The following IKZF3 variants were observed in gnomAD, a reference collection of about 807,000 sequenced individuals.
IKZF3 encodes IKAROS family zinc finger 3.
Under a neutral mutation model 49.0 loss-of-function variants are expected in IKZF3, and 10 were observed. That is an observed-to-expected ratio of 0.20 (90% CI 0.13 to 0.35). The LOEUF (loss-of-function observed/expected upper bound fraction) is 0.35, where lower values mean the gene tolerates loss of function less well. IKZF3 is among the 10% of genes least tolerant of loss of function. IKZF3 has a pLI of 1.00. For synonymous variants in IKZF3, 209 were observed against 228.2 expected, an observed-to-expected ratio of 0.92 and a Z score of 0.76; for missense variants, 498 against 664.8, an observed-to-expected ratio of 0.75 and a Z score of 2.76.
rs1198984333 is a variant in IKZF3, at chr17:39,835,662, G to A, written c.8-3511C>T. ...CGTGTCCAGGGAGCAGCTGTTATGC[G>A]TGGACAGCCCCACAGATGTGTCCAA... On this transcript the variant is annotated intron_variant, in intron 1 of 7. Coordinates refer to ENST00000346872, the MANE Select transcript of IKZF3 (RefSeq NM_012481.5). 3.7e-5 allele frequency: 16 copies of A among 437,594 alleles called. No homozygotes were observed. The East Asian group carries it at 3.8e-4, about 10-fold the overall frequency. 27.1% of individuals were successfully genotyped at this position (437,594 alleles called of 1,614,324 possible).
At chr17:39,784,210 G>A (rs1248233495) in intron 6 of IKZF3, among the ~76,000 whole-genome samples, 7 of 152,138 alleles carry the variant, frequency 4.6e-5, no homozygotes, top group Non-Finnish European at 1.0e-4. Context: ...GTGTGAATGA[G>A]GCTAAATGAA....
intron 3 of IKZF3, among the ~76,000 whole-genome samples, chr17:39,812,593 TC>T (rs1398218121): frequency 1.3e-5 from 2 of 152,180 alleles, no homozygotes; most frequent in Non-Finnish European, 2.9e-5. Flanking sequence ...TCCTCATTTA[TC>T]CCTCAGCAGG....
intron 3 of IKZF3, among the ~76,000 whole-genome samples, chr17:39,813,402 T>C (rs1024434990): frequency 6.6e-6 from 1 of 151,796 alleles, no homozygotes; most frequent in Non-Finnish European, 1.5e-5. Flanking sequence ...CCCAGCACTT[T>C]GGGAAGCCAA....
chr17:39,863,973 G>A (rs1254068805), intron 1 of IKZF3, 147 bp downstream of exon 1: 2 of 1,068,310 alleles, frequency 1.9e-6, no homozygotes, highest in Non-Finnish European at 2.9e-6. Context: ...GAACCGACGC[G>A]CTTTGTCCTC....
Position 39,829,445 on chromosome 17 carries a change from A to T in IKZF3, c.105T>A (p.His35Gln). 6.2e-7 allele frequency: 1 copy of T among 1,614,024 alleles called. No individual in the cohort carries two copies. The highest frequency in any genetic ancestry group is 8.5e-7 in the Non-Finnish European group (1 of 1,179,934). Reference sequence around the variant, plus strand: ...CTCCACTGTCCACATTTTCCATTTCATGAGATTTGGTTAAACTGTAGTCAT... The same window carrying T: ...CTCCACTGTCCACATTTTCCATTTCTTGAGATTTGGTTAAACTGTAGTCAT... ...VLNDYSLTKSHEMENVDSGEG... is the reference protein window; with the variant it reads ...VLNDYSLTKSQEMENVDSGEG... Residue 35 changes from histidine (H) to glutamine (Q), a missense_variant, in exon 3 of 8, where the codon CAT becomes CAA. By Grantham distance (24) the His-to-Gln change is conservative. Around this residue, in one of 3 missense-constraint regions of IKZF3, gnomAD observed 97 missense variants for 98.9 expected, o/e 0.98. Transcript: ENST00000346872.
intron 1 of IKZF3, among the ~76,000 whole-genome samples, chr17:39,858,547 G>A (rs2063131525): frequency 1.3e-5 from 2 of 152,014 alleles, no homozygotes; most frequent in Admixed American, 1.3e-4. Flanking sequence ...GTCTCACACT[G>A]TCACCCAGGC....
chr17:39,829,375 A>G lies in IKZF3; in HGVS notation c.163+12T>C, dbSNP rs772880288. On this transcript the variant is annotated intron_variant, in intron 3 of 7. Coordinates refer to ENST00000346872, the MANE Select transcript of IKZF3 (RefSeq NM_012481.5). ...ACAGGCATCAGTGTTTAGTCTGCACACTACGGCTCACCTCCTATGTCTTCA... is the reference window on the plus strand; with the variant it reads ...ACAGGCATCAGTGTTTAGTCTGCACGCTACGGCTCACCTCCTATGTCTTCA... 29 of 1,590,246 alleles carry G rather than the reference A, an allele frequency of 1.8e-5. No individual in the cohort carries two copies. Among genetic ancestry groups the G allele is most frequent in the Admixed American group, 3.3e-5 (2 of 59,968 alleles).
intron 3 of IKZF3, among the ~76,000 whole-genome samples, chr17:39,799,661 C>T (rs1435361546): frequency 6.6e-6 from 1 of 152,184 alleles, no homozygotes; most frequent in Non-Finnish European, 1.5e-5. Flanking sequence ...GATTCTTATG[C>T]ACATTAAAGT....
Position 39,788,670 on chromosome 17 carries a change from C to A in IKZF3, c.593-296G>T, listed in dbSNP as rs376786746. Among the ~76,000 whole-genome samples the A allele has an allele frequency of 5.9e-5, 9 of 152,124 alleles. No homozygotes were observed. In the East Asian group the frequency reaches 1.4e-3, roughly 23 times the overall value. ...TTGGCTCCAGGTCAAATTTTGTTTT[C>A]TTTGGGAAAAAGAAAATAGGGCCCT... On this transcript the variant is annotated intron_variant, in intron 5 of 7. Transcript: ENST00000346872.
At position 39,765,970 on chromosome 17, in the gene IKZF3, A is replaced by G; in HGVS notation, c.1350T>C (p.Asp450=). 6.2e-7 allele frequency: 1 copy of G among 1,614,202 alleles called. No homozygotes were observed. The highest frequency in any genetic ancestry group is 8.5e-7 in the Non-Finnish European group (1 of 1,180,016). Residue 450 remains aspartate, a synonymous_variant, in exon 8 of 8, where the codon GAT becomes GAC. Transcript: ENST00000346872. ...CGCGGCAGTGGTCACACCGATACAC[A>G]TCCATCACCTCCCCTTCCTTGTTGA... ...KVINKEGEVM[D]VYRCDHCRVL...
intron 1 of IKZF3, among the ~76,000 whole-genome samples, chr17:39,855,440 A>C (rs1331791994): frequency 1.3e-5 from 2 of 152,090 alleles, no homozygotes; most frequent in African/African-American, 4.8e-5. Flanking sequence ...TATAGATTGG[A>C]TCTCCCTCCC....
At chr17:39,817,803 A>C (rs1035859211) in intron 3 of IKZF3, among the ~76,000 whole-genome samples, 1 of 152,196 alleles carries the variant, frequency 6.6e-6, no homozygotes, top group Non-Finnish European at 1.5e-5. Flanking sequence ...AACATATATG[A>C]CCCAGATTAA....
chr17:39,768,384 G>A (rs1000470417), intron 7 of IKZF3, among the ~76,000 whole-genome samples: 1 of 152,166 alleles, frequency 6.6e-6, no homozygotes, highest in East Asian at 1.9e-4. Context: ...GCAGAGAGGT[G>A]GGACTACACG....
Position 39,765,045 on chromosome 17 carries a change from T to C in IKZF3, c.*745A>G, listed in dbSNP as rs1370140312. 2 of 152,322 alleles carry C rather than the reference T, an allele frequency of 1.3e-5. No individual in the cohort carries two copies. Among genetic ancestry groups the C allele is most frequent in the African/African-American group, 4.8e-5 (2 of 41,450 alleles). The allele number at this position is 152,322 out of a possible 1,614,324, so 9.4% of individuals were successfully genotyped here. On this transcript the variant is annotated 3_prime_UTR_variant, in exon 8 of 8. Transcript: ENST00000346872. ...GATGTCATCATCCACAGTGGATAAA[T>C]TTCTGGAGTTTCGATGATGGTCTAT...
chr17:39,821,945 CA>C lies in IKZF3; in HGVS notation c.163+7441del, dbSNP rs2061820365. Among the ~76,000 whole-genome samples the C allele has an allele frequency of 5.9e-5, 9 of 152,238 alleles. No individual in the cohort carries two copies. In the South Asian group the frequency reaches 1.9e-3, roughly 32 times the overall value. On this transcript the variant is annotated intron_variant, in intron 3 of 7. Coordinates refer to ENST00000346872, the MANE Select transcript of IKZF3 (RefSeq NM_012481.5). ...GCAGTATCTTGGCTTTTAAATGCTT[CA>C]GAGTGGAAGAGCATGTTTGGGTTTA... is the stretch of plus-strand genomic sequence containing the variant.
chr17:39,844,772 G>A (rs955133089), intron 1 of IKZF3, among the ~76,000 whole-genome samples: 1 of 152,128 alleles, frequency 6.6e-6, no homozygotes, highest in African/African-American at 2.4e-5. Context: ...ACAGGCATGC[G>A]ACACCATGCT....
In IKZF3 at chr17:39,765,592, A is replaced by C. The variant is rs2060268716; in HGVS notation, c.*198T>G. On this transcript the variant is annotated 3_prime_UTR_variant, in exon 8 of 8. Transcript: ENST00000346872. ...CCTGATGGGAAAACAAAGGTTTCAC[A>C]AAAGTAATAATATGCTAGACCTGCG... 4.0e-6 allele frequency: 2 copies of C among 502,930 alleles called. No individual in the cohort carries two copies. The highest frequency in any genetic ancestry group is 7.0e-6 in the Non-Finnish European group (2 of 286,248). 31.2% of individuals were successfully genotyped at this position (502,930 alleles called of 1,614,324 possible). A position where few individuals can be genotyped will look rare whatever the true frequency, so the allele number is the denominator to read the frequency against.
At chr17:39,791,362 T>G (rs1202624984) in intron 5 of IKZF3, 54 bp downstream of exon 5, 1 of 1,575,676 alleles carries the variant, frequency 6.3e-7, no homozygotes, top group South Asian at 1.1e-5. Context: ...GTTTCCACAC[T>G]GGGCTCTGAG....
rs553425156 is a variant in IKZF3, at chr17:39,855,956, C to A, written c.7+8164G>T. Among the ~76,000 whole-genome samples, 12 of 149,546 alleles carry A rather than the reference C, an allele frequency of 8.0e-5. No homozygotes were observed. The South Asian group carries it at 8.6e-4, about 11-fold the overall frequency. ...ATGATGTAACATGTATTATAATATA[C>A]AATGTATATTGTATATGTACAATAT... On this transcript the variant is annotated intron_variant, in intron 1 of 7. Transcript: ENST00000346872.
Sources: allele counts gnomAD v4.1 joint callset (sites outside exome capture counted in the v4.1 genomes callset), GRCh38; gene constraint gnomAD v4.1.1; regional missense constraint gnomAD v4.1.1; transcripts MANE v1.5; gene names NCBI Gene and HGNC (gene_info 2026-07-23, HGNC 2026-07-21).